The following SCARB2 variants were observed in gnomAD, a reference collection of about 807,000 sequenced individuals.
SCARB2 encodes scavenger receptor class B member 2.
Under a neutral mutation model 58.6 loss-of-function variants are expected in SCARB2, and 29 were observed. The ratio of observed to expected loss-of-function variants is 0.49; its 90% CI spans 0.37 to 0.67. SCARB2 has a LOEUF of 0.67. SCARB2 is among the 30% of genes least tolerant of loss of function. The probability of loss-of-function intolerance (pLI) is 0.00; values close to 1 mark genes in which losing one functional copy is unlikely to be tolerated. For synonymous variants in SCARB2, 195 were observed against 210.1 expected, an observed-to-expected ratio of 0.93 and a Z score of 0.62; for missense variants, 488 against 578.5, an observed-to-expected ratio of 0.84 and a Z score of 1.60.
At chr4:76,177,497 T>C (rs1732276673) in intron 4 of SCARB2, among the ~76,000 whole-genome samples, 1 of 152,222 alleles carries the variant, frequency 6.6e-6, no homozygotes, top group Non-Finnish European at 1.5e-5. Context: ...GACTCCAAAA[T>C]TCCACACCTA....
intron 10 of SCARB2, chr4:76,165,571 AC>A (rs1177633931): frequency 2.0e-5 from 3 of 152,210 alleles, no homozygotes; most frequent in Non-Finnish European, 4.4e-5. Context: ...AAATTGTACA[AC>A]ACATTGAGTA....
chr4:76,215,255 C>T (rs182932808), upstream of SCARB2, among the ~76,000 whole-genome samples: 797 of 152,330 alleles, frequency 5.2e-3, 7 homozygotes, highest in Non-Finnish European at 8.6e-3. Flanking sequence ...AGTGTATTAT[C>T]CTCATTTTAC....
chr4:76,230,345 GC>G (rs1483526868), intron 1 of SCARB2, among the ~76,000 whole-genome samples: 1 of 152,116 alleles, frequency 6.6e-6, no homozygotes, highest in African/African-American at 2.4e-5. Flanking sequence ...AGCTGGTGAG[GC>G]TGGTCTTGCT....
At position 76,179,086 on chromosome 4, in the gene SCARB2, C is replaced by T. The variant is rs549025771; in HGVS notation, c.612+431G>A. ...TTTGGCTTTTTTAGACAGAGTCTTG[C>T]TCTGTCACCCTGGCTGGAGTACAGT... is the stretch of plus-strand genomic sequence containing the variant. On this transcript the variant is annotated intron_variant, in intron 4 of 11. Transcript: ENST00000264896. The T allele has an allele frequency of 3.3e-5, 6 of 179,598 alleles. No individual in the cohort carries two copies. In the East Asian group the frequency reaches 7.0e-4, roughly 21 times the overall value. 11.1% of individuals were successfully genotyped at this position (179,598 alleles called of 1,614,324 possible). A position where few individuals can be genotyped will look rare whatever the true frequency, so the allele number is the denominator to read the frequency against.
chr4:76,207,888 T>C (rs933583596), intron 1 of SCARB2, among the ~76,000 whole-genome samples: 16 of 152,190 alleles, frequency 1.1e-4, no homozygotes, highest in African/African-American at 3.9e-4. Context: ...AAATAATATT[T>C]CCTTTAATGT....
At chr4:76,183,732 G>A (rs1009233367) in intron 2 of SCARB2, among the ~76,000 whole-genome samples, 2 of 152,166 alleles carry the variant, frequency 1.3e-5, no homozygotes, top group Admixed American at 6.5e-5. Flanking sequence ...GGGAGGTTGG[G>A]GGGTGGGGCT....
intron 4 of SCARB2, chr4:76,179,237 A>T (rs1414312887): frequency 7.4e-6 from 3 of 406,806 alleles, no homozygotes; most frequent in African/African-American, 6.1e-5. Flanking sequence ...TATTTTTAGT[A>T]GAGATAGAGT....
chr4:76,198,107 C>T (rs917745826), intron 1 of SCARB2, among the ~76,000 whole-genome samples: 2 of 152,184 alleles, frequency 1.3e-5, no homozygotes, highest in Non-Finnish European at 1.5e-5. Flanking sequence ...TCGACTCCAC[C>T]GCACTTCTCT....
upstream of SCARB2, among the ~76,000 whole-genome samples, chr4:76,215,597 A>G (rs1733191705): frequency 6.6e-6 from 1 of 152,184 alleles, no homozygotes; most frequent in African/African-American, 2.4e-5. Flanking sequence ...AACCAATAGA[A>G]TACAGTGGAA....
chr4:76,223,871 T>C lies in SCARB2; in HGVS notation c.-358+10432A>G, dbSNP rs184814251. On this transcript the variant is annotated intron_variant, in intron 1 of 11. Transcript: ENST00000638295. ...CCTCAGAGTGAGTCTCCCTGGACTATTGAAGATCACTATGTCTTGGGACAT... is the reference window on the plus strand; with the variant it reads ...CCTCAGAGTGAGTCTCCCTGGACTACTGAAGATCACTATGTCTTGGGACAT... Among the ~76,000 whole-genome samples the C allele has an allele frequency of 3.2e-4, 48 of 152,256 alleles. 1 individual carries two copies. Among genetic ancestry groups the C allele is most frequent in the Middle Eastern group, 6.8e-3 (2 of 294 alleles).
intron 2 of SCARB2, among the ~76,000 whole-genome samples, chr4:76,191,553 T>C (rs999779451): frequency 1.3e-5 from 2 of 152,028 alleles, no homozygotes; most frequent in Non-Finnish European, 2.9e-5. Flanking sequence ...CTGCTCCCCC[T>C]CTCTTACTTC....
At chr4:76,190,785 AAAACAAAC>A (rs368133246) in intron 2 of SCARB2, among the ~76,000 whole-genome samples, 74 of 152,046 alleles carry the variant, frequency 4.9e-4, no homozygotes, top group Middle Eastern at 3.4e-3. Context: ...CTCTGTCTCA[AAAACAAAC>A]AAACAAACAA....
chr4:76,201,249 T>G (rs1467270475), intron 1 of SCARB2, among the ~76,000 whole-genome samples: 1 of 152,134 alleles, frequency 6.6e-6, no homozygotes, highest in Non-Finnish European at 1.5e-5. Context: ...CAGGGCTCAA[T>G]TCAGAAGTGC....
At chr4:76,203,536 T>C (rs1732871766) in intron 1 of SCARB2, among the ~76,000 whole-genome samples, 1 of 152,238 alleles carries the variant, frequency 6.6e-6, no homozygotes. Flanking sequence ...TAACAGTTTT[T>C]ACCATGTATG....
Position 76,161,453 on chromosome 4 carries a change from T to TA in SCARB2, c.*259dup. 1.9e-6 allele frequency: 1 copy of TA among 525,578 alleles called. No individual in the cohort carries two copies. The allele number at this position is 525,578 out of a possible 1,614,324, so 32.6% of individuals were successfully genotyped here. A position where few individuals can be genotyped will look rare whatever the true frequency, so the allele number is the denominator to read the frequency against. On this transcript the variant is annotated 3_prime_UTR_variant, in exon 12 of 12. Coordinates refer to ENST00000264896, the MANE Select transcript of SCARB2 (RefSeq NM_005506.4). Reference sequence around the variant, plus strand: ...TACCAGCACCCAACAACAACAAAATTACTATACAAGGGTTTATTAAATACT... The same window carrying TA: ...TACCAGCACCCAACAACAACAAAATTAACTATACAAGGGTTTATTAAATACT...
chr4:76,199,129 CA>C (rs1732778354), intron 1 of SCARB2, among the ~76,000 whole-genome samples: 1 of 152,088 alleles, frequency 6.6e-6, no homozygotes, highest in African/African-American at 2.4e-5. Flanking sequence ...ACTGACACTA[CA>C]AAATAAAAAT....
At chr4:76,231,897 G>A (rs755419654) in intron 1 of SCARB2, among the ~76,000 whole-genome samples, 4 of 152,168 alleles carry the variant, frequency 2.6e-5, no homozygotes, top group East Asian at 1.9e-4. Flanking sequence ...TTTTATTGGC[G>A]CTGCAAGTCA....
upstream of SCARB2, chr4:76,217,633 T>C (rs1578747125): frequency 3.1e-6 from 2 of 653,136 alleles, no homozygotes; most frequent in East Asian, 2.8e-5. Context: ...CCGTGCGTCT[T>C]GTCCAGCCTG....
Position 76,176,638 on chromosome 4 carries a change from T to A in SCARB2, c.613-110A>T, listed in dbSNP as rs960934327. The A allele has an allele frequency of 1.8e-5, 13 of 740,062 alleles. No individual in the cohort carries two copies. In the African/African-American group the frequency reaches 2.1e-4, roughly 12 times the overall value. 45.8% of individuals were successfully genotyped at this position (740,062 alleles called of 1,614,324 possible). Reference sequence around the variant, plus strand: ...TCAAACACTAGCCCAGATGGTGTGGTGAAGGTATTTTGTAGGTGTGATTAA... The same window carrying A: ...TCAAACACTAGCCCAGATGGTGTGGAGAAGGTATTTTGTAGGTGTGATTAA... On this transcript the variant is annotated intron_variant, in intron 4 of 11. Coordinates refer to ENST00000264896, the MANE Select transcript of SCARB2 (RefSeq NM_005506.4).
Sources: gnomAD v4.1 joint callset for allele counts (sites outside exome capture counted in the v4.1 genomes callset) on GRCh38, gnomAD v4.1.1 for gene constraint, MANE v1.5 for transcripts, NCBI Gene and HGNC (gene_info 2026-07-23, HGNC 2026-07-21) for gene names.